Variants in HS3ST4 observed in about 807,000 individuals in gnomAD.
HS3ST4 encodes the protein heparan sulfate-glucosamine 3-sulfotransferase 4.
A neutral mutation model predicts 29.2 loss-of-function variants in HS3ST4; 17 were observed. The ratio of observed to expected loss-of-function variants is 0.58; its 90% CI spans 0.40 to 0.87. HS3ST4 has a LOEUF of 0.87. Among genes scored for constraint, HS3ST4 ranks in the 40% least tolerant of loss-of-function variants. HS3ST4 has a pLI of 0.00. For missense variants in HS3ST4, 627 were observed against 634.5 expected (o/e 0.99, Z 0.13); for synonymous variants, 314 against 285.7 (o/e 1.10, Z -1.00).
At chr16:25,967,414 C>T (rs1158312896) in intron 1 of HS3ST4, among the ~76,000 whole-genome samples, 1 of 152,098 alleles carries the variant, frequency 6.6e-6, no homozygotes, top group Non-Finnish European at 1.5e-5. Flanking sequence ...TCAGTCTCCC[C>T]AAGTGTTGGA....
At chr16:25,918,769 C>T (rs1416091429) in intron 1 of HS3ST4, among the ~76,000 whole-genome samples, 1 of 152,152 alleles carries the variant, frequency 6.6e-6, no homozygotes, top group Non-Finnish European at 1.5e-5. Context: ...TGTGCCACTG[C>T]ACTCCAGGCT....
chr16:25,811,621 C>T (rs940803392), intron 1 of HS3ST4, among the ~76,000 whole-genome samples: 7 of 151,658 alleles, frequency 4.6e-5, no homozygotes, highest in Non-Finnish European at 7.4e-5. Flanking sequence ...TTAGTAGAGA[C>T]GGGGTTTCTC....
intron 1 of HS3ST4, among the ~76,000 whole-genome samples, chr16:25,950,854 A>T (rs1968677357): frequency 6.6e-6 from 1 of 152,152 alleles, no homozygotes; most frequent in South Asian, 2.1e-4. Flanking sequence ...AACATATGTG[A>T]TGCCCCTTGA....
At chr16:26,135,560 G>T in intron 1 of HS3ST4, 52 bp from the exon 2 acceptor site, 1 of 1,503,800 alleles carries the variant, frequency 6.6e-7, no homozygotes, top group South Asian at 1.4e-5. Flanking sequence ...AAGAAGTTCA[G>T]ATATTTCTGG....
intron 1 of HS3ST4, among the ~76,000 whole-genome samples, chr16:25,767,807 T>A (rs1966830502): frequency 6.6e-6 from 1 of 152,196 alleles, no homozygotes; most frequent in Non-Finnish European, 1.5e-5. Flanking sequence ...AGTCCCATAC[T>A]CAGGGTTGCA....
intron 1 of HS3ST4, among the ~76,000 whole-genome samples, chr16:26,056,951 A>G (rs574112190): frequency 5.1e-4 from 78 of 152,264 alleles, no homozygotes; most frequent in Non-Finnish European, 8.4e-4. Flanking sequence ...GTCATATTTA[A>G]TCTTCACTGT....
chr16:26,009,611 G>A (rs958274174), intron 1 of HS3ST4, among the ~76,000 whole-genome samples: 1 of 152,206 alleles, frequency 6.6e-6, no homozygotes, highest in African/African-American at 2.4e-5. Flanking sequence ...GCAGGTGGAT[G>A]CAAGCACTGC....
At chr16:25,738,661 T>C (rs1234167999) in intron 1 of HS3ST4, among the ~76,000 whole-genome samples, 1 of 152,164 alleles carries the variant, frequency 6.6e-6, no homozygotes, top group East Asian at 1.9e-4. Context: ...TGCCCCTCAA[T>C]GCCTGTTTCC....
intron 1 of HS3ST4, among the ~76,000 whole-genome samples, chr16:25,945,005 G>A (rs1016317011): frequency 6.6e-6 from 1 of 152,040 alleles, no homozygotes; most frequent in Non-Finnish European, 1.5e-5. Flanking sequence ...ATTATCCTCT[G>A]TGGAAAACAA....
chr16:26,039,485 A>G (rs1596659473), intron 1 of HS3ST4, among the ~76,000 whole-genome samples: 1 of 152,094 alleles, frequency 6.6e-6, no homozygotes, highest in South Asian at 2.1e-4. Flanking sequence ...GGGTGTATAT[A>G]TTTGTGGTAT....
At position 25,863,204 on chromosome 16, in the gene HS3ST4, C is replaced by A. The variant is rs527421409; in HGVS notation, c.734+170053C>A. On this transcript the variant is annotated intron_variant, in intron 1 of 1. Transcript: ENST00000331351. Reference sequence around the variant, plus strand: ...GTTCAAGCAATTTTCCTGCCTCAGCCTCCCGAGTAGCCAGGACTACAGGGG... The same window carrying A: ...GTTCAAGCAATTTTCCTGCCTCAGCATCCCGAGTAGCCAGGACTACAGGGG... 2.0e-5 allele frequency among the ~76,000 whole-genome samples: 3 copies of A among 152,256 alleles called. No homozygotes were observed. In the East Asian group the frequency reaches 5.8e-4, roughly 29 times the overall value.
At position 25,732,848 on chromosome 16, in the gene HS3ST4, A is replaced by G. The variant is rs189690212; in HGVS notation, c.734+39697A>G. Among the ~76,000 whole-genome samples, 16 of 152,322 alleles carry G rather than the reference A, an allele frequency of 1.1e-4. No homozygotes were observed. In the East Asian group the frequency reaches 2.7e-3, roughly 26 times the overall value. ...CGGACATGTCGCCCAATCGGTCGCA[A>G]TAGTTCCTCCTTCTTAGTATTGCTG... On this transcript the variant is annotated intron_variant, in intron 1 of 1. Coordinates refer to ENST00000331351, the MANE Select transcript of HS3ST4 (RefSeq NM_006040.3).
intron 1 of HS3ST4, among the ~76,000 whole-genome samples, chr16:25,919,707 A>T (rs1490327540): frequency 6.6e-6 from 1 of 152,196 alleles, no homozygotes; most frequent in East Asian, 1.9e-4. Flanking sequence ...TTAGGGAAAT[A>T]GGTGTCACCA....
At chr16:25,709,939 G>GT (rs1460758287) in intron 1 of HS3ST4, among the ~76,000 whole-genome samples, 1 of 152,126 alleles carries the variant, frequency 6.6e-6, no homozygotes, top group Non-Finnish European at 1.5e-5. Context: ...AAGTGAAATA[G>GT]TTTCATCACA....
chr16:26,114,530 T>C (rs1899176455), intron 1 of HS3ST4, among the ~76,000 whole-genome samples: 1 of 152,100 alleles, frequency 6.6e-6, no homozygotes, highest in Non-Finnish European at 1.5e-5. Context: ...GAGCTCATGG[T>C]CTAGCAGGGA....
At chr16:26,035,850 A>G (rs184915595) in intron 1 of HS3ST4, among the ~76,000 whole-genome samples, 2 of 152,288 alleles carry the variant, frequency 1.3e-5, no homozygotes, top group Admixed American at 1.3e-4. Context: ...TGTTCCTATG[A>G]TAAAGATGAC....
intron 1 of HS3ST4, among the ~76,000 whole-genome samples, chr16:26,052,063 A>G (rs1898354870): frequency 6.6e-6 from 1 of 152,114 alleles, no homozygotes; most frequent in Admixed American, 6.6e-5. Flanking sequence ...ACTAATGGCC[A>G]TAAAGAAATG....
intron 1 of HS3ST4, among the ~76,000 whole-genome samples, chr16:26,005,310 G>C (rs983741484): frequency 6.6e-6 from 1 of 152,144 alleles, no homozygotes; most frequent in African/African-American, 2.4e-5. Context: ...AATATAATGA[G>C]TTTTATTTTG....
intron 1 of HS3ST4, among the ~76,000 whole-genome samples, chr16:25,922,335 G>C (rs915666649): frequency 6.6e-6 from 1 of 152,172 alleles, no homozygotes; most frequent in South Asian, 2.1e-4. Context: ...TCCCCAGAAA[G>C]CTGCCTTGCT....
Sources: allele counts gnomAD v4.1 joint callset (sites outside exome capture counted in the v4.1 genomes callset), GRCh38; gene constraint gnomAD v4.1.1; transcripts MANE v1.5; gene names NCBI Gene and HGNC (gene_info 2026-07-23, HGNC 2026-07-21).